The following SCFD2 variants were observed in gnomAD, a reference collection of about 807,000 sequenced individuals.
The protein encoded by SCFD2 is sec1 family domain-containing protein 2.
A neutral mutation model predicts 58.9 loss-of-function variants in SCFD2; 54 were observed. The ratio of observed to expected loss-of-function variants is 0.92; its 90% CI spans 0.74 to 1.15. SCFD2 has a LOEUF of 1.15. Among genes scored for constraint, SCFD2 ranks in the 50% most tolerant of loss-of-function variants. The pLI, the probability that SCFD2 is intolerant of heterozygous loss-of-function variation, is 0.00. For missense variants in SCFD2, 805 were observed against 836.6 expected (o/e 0.96, Z 0.47); for synonymous variants, 321 against 335.9 (o/e 0.96, Z 0.49).
At chr4:53,304,040 C>T (rs1287186498) in intron 3 of SCFD2, among the ~76,000 whole-genome samples, 2 of 151,046 alleles carry the variant, frequency 1.3e-5, no homozygotes, top group Non-Finnish European at 2.9e-5. Flanking sequence ...CAACTTGGCA[C>T]ATGTATATAT....
chr4:53,023,781 C>T (rs949784059), intron 5 of SCFD2, among the ~76,000 whole-genome samples: 1 of 152,150 alleles, frequency 6.6e-6, no homozygotes, highest in East Asian at 1.9e-4. Context: ...ATAAATGCAA[C>T]TGCAAGTGCT....
intron 5 of SCFD2, among the ~76,000 whole-genome samples, chr4:53,128,578 G>A (rs573826841): frequency 5.3e-5 from 8 of 152,172 alleles, no homozygotes; most frequent in South Asian, 2.1e-4. Context: ...TGTAAGGTTC[G>A]GAGGGGAGGA....
intron 2 of SCFD2, among the ~76,000 whole-genome samples, chr4:53,340,058 T>C (rs1297565308): frequency 1.3e-5 from 2 of 152,206 alleles, no homozygotes; most frequent in East Asian, 3.9e-4. Flanking sequence ...AGACAGGTGA[T>C]TTCTGCATTT....
intron 1 of SCFD2, among the ~76,000 whole-genome samples, chr4:53,356,245 C>G (rs1320717532): frequency 6.6e-6 from 1 of 152,140 alleles, no homozygotes. Flanking sequence ...TCCAAAAGAA[C>G]AAAGCAAAGA....
chr4:52,995,003 G>A (rs1721710220), intron 5 of SCFD2, among the ~76,000 whole-genome samples: 1 of 152,162 alleles, frequency 6.6e-6, no homozygotes, highest in Admixed American at 6.5e-5. Context: ...GATCAGTTTT[G>A]TGGAAGACAA....
At chr4:53,062,756 T>C (rs1723550761) in intron 5 of SCFD2, among the ~76,000 whole-genome samples, 1 of 152,154 alleles carries the variant, frequency 6.6e-6, no homozygotes, top group African/African-American at 2.4e-5. Context: ...AACACCAGGA[T>C]AAAATTATGG....
At chr4:53,180,503 T>C (rs1163151523) in intron 4 of SCFD2, among the ~76,000 whole-genome samples, 1 of 151,374 alleles carries the variant, frequency 6.6e-6, no homozygotes, top group East Asian at 1.9e-4. Flanking sequence ...TTCAAAGCAG[T>C]GTGTAGAGGG....
chr4:53,194,912 C>A (rs1181022844), intron 4 of SCFD2, among the ~76,000 whole-genome samples: 1 of 152,156 alleles, frequency 6.6e-6, no homozygotes, highest in Non-Finnish European at 1.5e-5. Flanking sequence ...GCTGTAGGTA[C>A]AGATACAGCT....
At chr4:53,334,960 G>A (rs1013397150) in intron 2 of SCFD2, among the ~76,000 whole-genome samples, 1 of 152,046 alleles carries the variant, frequency 6.6e-6, no homozygotes, top group Admixed American at 6.6e-5. Context: ...ACTTTGGGAG[G>A]CCAAGGCAGG....
At chr4:52,893,906 T>C (rs1394468379) in intron 7 of SCFD2, among the ~76,000 whole-genome samples, 1 of 152,246 alleles carries the variant, frequency 6.6e-6, no homozygotes, top group East Asian at 1.9e-4. Context: ...ATTGCTGTCC[T>C]TGGGCTCCCC....
chr4:53,008,809 G>A (rs2148805618), intron 5 of SCFD2, among the ~76,000 whole-genome samples: 1 of 152,342 alleles, frequency 6.6e-6, no homozygotes, highest in Middle Eastern at 3.4e-3. Context: ...AATAGAATGT[G>A]ACTGGCCTCA....
At chr4:53,179,366 A>AT (rs1727462768) in intron 4 of SCFD2, among the ~76,000 whole-genome samples, 1 of 152,178 alleles carries the variant, frequency 6.6e-6, no homozygotes, top group South Asian at 2.1e-4. Context: ...AAAAAAAAGA[A>AT]TTTTCAACCC....
intron 4 of SCFD2, among the ~76,000 whole-genome samples, chr4:53,241,742 G>A (rs1428161075): frequency 6.6e-6 from 1 of 152,184 alleles, no homozygotes; most frequent in East Asian, 1.9e-4. Flanking sequence ...GCCAGTGAGA[G>A]TTCACTCCCT....
At chr4:53,025,819 A>G (rs1560304867) in intron 5 of SCFD2, among the ~76,000 whole-genome samples, 6 of 152,202 alleles carry the variant, frequency 3.9e-5, no homozygotes, top group Admixed American at 2.6e-4. Context: ...GATCTTATGG[A>G]CTGGATTTTT....
rs151041574 is a variant in SCFD2 at position 53,255,675 on chromosome 4, T to C, written c.1311+18151A>G. On this transcript the variant is annotated intron_variant, in intron 4 of 8. Transcript: ENST00000401642. The stretch of plus-strand genomic sequence containing the variant: ...CTTTTCCCCACCTTTCCCCCGTTTC[T>C]ATTCCACAAAACCTCCATTGTCATC... 9.1e-3 allele frequency among the ~76,000 whole-genome samples: 1,390 copies of C among 152,342 alleles called. 21 individuals carry two copies. Among genetic ancestry groups the C allele is most frequent in the African/African-American group, 0.032 (1,311 of 41,582 alleles).
At chr4:53,309,966 TA>T (rs375329410) in intron 3 of SCFD2, among the ~76,000 whole-genome samples, 6 of 152,308 alleles carry the variant, frequency 3.9e-5, no homozygotes, top group African/African-American at 1.4e-4. Context: ...GTTTGGCTAA[TA>T]AGTGGCAGAA....
intron 5 of SCFD2, among the ~76,000 whole-genome samples, chr4:53,060,535 T>C (rs1282255017): frequency 6.6e-6 from 1 of 152,168 alleles, no homozygotes; most frequent in African/African-American, 2.4e-5. Flanking sequence ...AGAATACTAA[T>C]ACATTATTTG....
chr4:53,166,658 G>A (rs949978120), intron 4 of SCFD2, among the ~76,000 whole-genome samples: 1 of 152,124 alleles, frequency 6.6e-6, no homozygotes, highest in African/African-American at 2.4e-5. Context: ...GTAAAATAAA[G>A]TATTTTCCCT....
intron 5 of SCFD2, among the ~76,000 whole-genome samples, chr4:52,969,700 G>A (rs1721049257): frequency 6.6e-6 from 1 of 152,188 alleles, no homozygotes; most frequent in South Asian, 2.1e-4. Context: ...TGGGCCTGAG[G>A]AGGAGTGACT....
Sources: gnomAD v4.1 joint callset for allele counts (sites outside exome capture counted in the v4.1 genomes callset) on GRCh38, gnomAD v4.1.1 for gene constraint, MANE v1.5 for transcripts, NCBI Gene and HGNC (gene_info 2026-07-23, HGNC 2026-07-21) for gene names.